Variants in MYH11 observed in about 807,000 individuals in gnomAD.
MYH11 encodes myosin heavy chain 11.
MYH11 carries 80 observed loss-of-function variants against 246.6 expected under a neutral mutation model. That is an observed-to-expected ratio of 0.32 (90% CI 0.27 to 0.39). The LOEUF is 0.39. Among genes scored for constraint, MYH11 ranks in the 10% least tolerant of loss-of-function variants. MYH11 has a pLI of 1.00. For missense variants in MYH11, 2,158 were observed against 2,546.8 expected, an observed-to-expected ratio of 0.85 and a Z score of 3.29; for synonymous variants, 1,071 against 1,015.5, an observed-to-expected ratio of 1.05 and a Z score of -1.04.
chr16:15,745,339 C>A, intron 19 of MYH11, 102 bp from the exon 20 acceptor site: 1 of 761,392 alleles, frequency 1.3e-6, no homozygotes, highest in East Asian at 2.6e-5. Context: ...GGACATGCCC[C>A]AATCTCCCCA....
chr16:15,721,297 TC>T, intron 32 of MYH11, 124 bp downstream of exon 32: 1 of 1,188,692 alleles, frequency 8.4e-7, no homozygotes, highest in African/African-American at 1.5e-5. Context: ...TCCAAAAACC[TC>T]CTTCCATTTC....
chr16:15,720,770 A>C, intron 33 of MYH11, 69 bp downstream of exon 33: 1 of 1,492,288 alleles, frequency 6.7e-7, no homozygotes. Flanking sequence ...CACACCAACC[A>C]TGAGAGTGGT....
chr16:15,756,633 C>A, intron 13 of MYH11, 119 bp from the exon 14 acceptor site: 1 of 1,049,460 alleles, frequency 9.5e-7, no homozygotes, highest in South Asian at 1.3e-5. Flanking sequence ...CTGTATTTGC[C>A]CACATATAAA....
In MYH11 at chr16:15,726,552, G is replaced by T; in HGVS notation, c.3858+296C>A. 3 of 485,614 alleles carry T rather than the reference G, an allele frequency of 6.2e-6. No homozygotes were observed. In the South Asian group the frequency reaches 6.4e-5, roughly 10 times the overall value. The allele number at this position is 485,614 out of a possible 1,614,324, so 30.1% of individuals were successfully genotyped here. ...CGCCTGGCTAATTTTTGTATTTTTA[G>T]TAGAGACTTTTCACCATGTTGGCCA... On this transcript the variant is annotated intron_variant, in intron 28 of 40. Transcript: ENST00000300036.
chr16:15,784,728 A>C lies in MYH11; in HGVS notation c.633+1902T>G. 1 of 1,613,898 alleles carries C rather than the reference A, an allele frequency of 6.2e-7. No individual in the cohort carries two copies. The highest frequency in any genetic ancestry group is 1.1e-5 in the South Asian group (1 of 91,046). The stretch of plus-strand genomic sequence containing the variant: ...CAAAAGATGGGCCTTGCTGTGGTTG[A>C]ACAACACAGTATAAAACAAATGTCA... On this transcript the variant is annotated intron_variant, in intron 5 of 40. Transcript: ENST00000300036.
At chr16:15,810,041 GT>G (rs997208332) in intron 3 of MYH11, among the ~76,000 whole-genome samples, 2 of 143,440 alleles carry the variant, frequency 1.4e-5, no homozygotes, top group East Asian at 2.0e-4. Context: ...TTTTGTTTTT[GT>G]TTTTTTTTGA....
intron 14 of MYH11, among the ~76,000 whole-genome samples, chr16:15,754,305 T>C (rs2041655501): frequency 6.6e-6 from 1 of 152,150 alleles, no homozygotes; most frequent in East Asian, 1.9e-4. Context: ...GATCCTGATA[T>C]ATGGATATAC....
rs551255307 is a variant in MYH11, at chr16:15,704,765, C to A, written c.5787-642G>T. Among the ~76,000 whole-genome samples, 98 of 152,272 alleles carry A rather than the reference C, an allele frequency of 6.4e-4. 2 individuals are homozygous for A. In the South Asian group the frequency reaches 0.012, roughly 19 times the overall value. On this transcript the variant is annotated intron_variant, in intron 40 of 40. Transcript: ENST00000300036. The stretch of plus-strand genomic sequence containing the variant: ...GGACTGCTGCATCTGTTTTGCTGAT[C>A]GTGGAACATACCGCACATGGCGTAA...
At chr16:15,800,597 T>TTGGATGGATGGA (rs138132973) in intron 3 of MYH11, among the ~76,000 whole-genome samples, 49 of 143,202 alleles carry the variant, frequency 3.4e-4, no homozygotes, top group African/African-American at 9.4e-4. Flanking sequence ...GGTAAATGAG[T>TTGGATGGATGGA]TGGATGGATG....
At chr16:15,795,653 T>C (rs1326489027) in intron 4 of MYH11, among the ~76,000 whole-genome samples, 2 of 152,184 alleles carry the variant, frequency 1.3e-5, no homozygotes, top group African/African-American at 4.8e-5. Context: ...GCAAGATGGA[T>C]ACTGGATTGC....
At chr16:15,763,741 T>TCGGCCCCCCCC in intron 10 of MYH11, 55 bp downstream of exon 10, 1 of 646,860 alleles carries the variant, frequency 1.5e-6, no homozygotes, top group East Asian at 3.2e-5. Context: ...AAATGTCACC[T>TCGGCCCCCCCC]CCCCCACCCC....
chr16:15,849,396 T>C (rs957305105), intron 1 of MYH11, among the ~76,000 whole-genome samples: 3 of 152,188 alleles, frequency 2.0e-5, no homozygotes, highest in Non-Finnish European at 4.4e-5. Context: ...GTTTGACACA[T>C]CTGAGTGTGT....
intron 31 of MYH11, among the ~76,000 whole-genome samples, chr16:15,723,275 G>A (rs1214575477): frequency 6.6e-6 from 1 of 152,052 alleles, no homozygotes; most frequent in Non-Finnish European, 1.5e-5. Flanking sequence ...GTGTGGAAGG[G>A]GAAATGTACT....
chr16:15,824,594 C>T (rs1037053743), intron 2 of MYH11, among the ~76,000 whole-genome samples: 3 of 152,092 alleles, frequency 2.0e-5, no homozygotes, highest in Non-Finnish European at 4.4e-5. Flanking sequence ...GAGGGAATGT[C>T]GTTAACTGAA....
intron 9 of MYH11, among the ~76,000 whole-genome samples, chr16:15,764,730 G>A (rs1053265863): frequency 1.3e-5 from 2 of 152,154 alleles, no homozygotes; most frequent in Non-Finnish European, 2.9e-5. Context: ...TTACACAGAC[G>A]TGTTCAGTTT....
rs561234061 is a variant in MYH11 at position 15,852,619 on chromosome 16, G to A, written c.-18+4322C>T. ...CTCCCAAAGTGCTGGGATTACAGGC[G>A]TGAGCCACTGCACCTGGTCTGCAAT... On this transcript the variant is annotated intron_variant, in intron 1 of 40. Coordinates refer to ENST00000300036, the MANE Select transcript of MYH11 (RefSeq NM_002474.3). 8.7e-4 allele frequency among the ~76,000 whole-genome samples: 132 copies of A among 152,168 alleles called. 2 individuals are homozygous for A. The highest frequency in any genetic ancestry group is 1.9e-3 in the Admixed American group (29 of 15,286).
Position 15,724,257 on chromosome 16 carries a change from G to C in MYH11, c.4269C>G (p.Asn1423Lys). 1 of 1,614,218 alleles carries C rather than the reference G, an allele frequency of 6.2e-7. No homozygotes were observed. The highest frequency in any genetic ancestry group is 1.1e-5 in the South Asian group (1 of 91,078). The change falls in exon 31 of 41, where the codon AAC becomes AAG. Residue 1423 changes from asparagine to lysine, a missense_variant. By Grantham distance (94) the Asn-to-Lys change is moderately conservative (BLOSUM62 0). Around this residue, in one of 11 missense-constraint regions of MYH11, gnomAD observed 1,013 missense variants for 993.5 expected, o/e 1.02. Transcript: ENST00000300036. Reference sequence around the variant, plus strand: ...GGTCGTCCAGCTCCTGCTGAAGCCTGTTCTTGGTCTTTTCCAGTTTATCAT... The same window carrying C: ...GGTCGTCCAGCTCCTGCTGAAGCCTCTTCTTGGTCTTTTCCAGTTTATCAT... ...AAYDKLEKTK[N>K]RLQQELDDLV...
chr16:15,772,311 T>C (rs550488245), intron 8 of MYH11, among the ~76,000 whole-genome samples: 2 of 151,828 alleles, frequency 1.3e-5, no homozygotes, highest in Non-Finnish European at 1.5e-5. Flanking sequence ...ACACTAGACT[T>C]GAACTCCTGA....
At chr16:15,780,158 G>T (rs555447909) in intron 6 of MYH11, among the ~76,000 whole-genome samples, 7 of 152,308 alleles carry the variant, frequency 4.6e-5, no homozygotes, top group African/African-American at 1.7e-4. Context: ...TGACAGGCTA[G>T]AAACATTGCA....
Sources: allele counts gnomAD v4.1 joint callset (sites outside exome capture counted in the v4.1 genomes callset), GRCh38; gene constraint gnomAD v4.1.1; regional missense constraint gnomAD v4.1.1; transcripts MANE v1.5; gene names NCBI Gene and HGNC (gene_info 2026-07-23, HGNC 2026-07-21).